The following MCC variants were observed in gnomAD, a reference collection of about 807,000 sequenced individuals.
MCC encodes MCC regulator of Wnt signaling pathway.
In MCC, 90 loss-of-function variants were observed where a neutral mutation model predicts 116.2. That is an observed-to-expected ratio of 0.77 (90% CI 0.65 to 0.92). MCC has a LOEUF of 0.92. MCC is among the 40% of genes least tolerant of loss of function. MCC has a pLI of 0.00. For synonymous variants in MCC, 578 were observed against 510.5 expected (o/e 1.13, Z -1.78); for missense variants, 1,516 against 1,312.2 (o/e 1.16, Z -2.40).
At chr5:113,161,555 C>T (rs1760483899) in intron 3 of MCC, among the ~76,000 whole-genome samples, 1 of 151,850 alleles carries the variant, frequency 6.6e-6, no homozygotes, top group African/African-American at 2.4e-5. Flanking sequence ...TTTGAAGAGA[C>T]CCTAGATTTT....
intron 11 of MCC, among the ~76,000 whole-genome samples, chr5:113,071,644 T>A (rs1228186164): frequency 6.6e-6 from 1 of 152,238 alleles, no homozygotes; most frequent in Non-Finnish European, 1.5e-5. Flanking sequence ...CAGTCATGGC[T>A]ATTTGTTAAG....
chr5:113,191,972 C>T (rs1762171370), intron 3 of MCC, among the ~76,000 whole-genome samples: 1 of 152,200 alleles, frequency 6.6e-6, no homozygotes, highest in Non-Finnish European at 1.5e-5. Flanking sequence ...ACCATGCACA[C>T]CTACCTGCTG....
At chr5:113,195,813 G>A (rs1488539604) in intron 3 of MCC, among the ~76,000 whole-genome samples, 1 of 152,148 alleles carries the variant, frequency 6.6e-6, no homozygotes, top group African/African-American at 2.4e-5. Flanking sequence ...TTCTGCCTGT[G>A]TTCCAAATAC....
chr5:113,179,994 C>T (rs115295215), intron 3 of MCC, among the ~76,000 whole-genome samples: 2,293 of 152,248 alleles, frequency 0.015, 55 homozygotes, highest in African/African-American at 0.053. Context: ...TAGCTTCAGA[C>T]GATGTGCTAA....
intron 17 of MCC, among the ~76,000 whole-genome samples, chr5:113,033,187 TCTGA>T (rs1311833019): frequency 3.9e-5 from 6 of 152,196 alleles, no homozygotes; most frequent in African/African-American, 9.7e-5. Flanking sequence ...TTCCCTGGCT[TCTGA>T]CTAAGTAGGT....
intron 3 of MCC, chr5:113,294,514 G>A (rs1427912710): frequency 6.6e-7 from 1 of 1,510,272 alleles, no homozygotes; most frequent in East Asian, 2.4e-5. Flanking sequence ...TTTTCACCCA[G>A]GACAGTTGCG....
At position 113,101,697 on chromosome 5, in the gene MCC, T is replaced by C. The variant is rs376447222; in HGVS notation, c.1398+42A>G. Reference sequence around the variant, plus strand: ...TATACACCAGCCTCTCTCAGCCCCATGCCCAGGAAGGGCCTGACCATTATG... The same window carrying C: ...TATACACCAGCCTCTCTCAGCCCCACGCCCAGGAAGGGCCTGACCATTATG... On this transcript the variant is annotated intron_variant, in intron 8 of 18. Coordinates refer to ENST00000408903, the MANE Select transcript of MCC (RefSeq NM_001085377.2). 1.9e-5 allele frequency: 31 copies of C among 1,604,960 alleles called. No homozygotes were observed. In the African/African-American group the frequency reaches 3.5e-4, roughly 18 times the overall value.
rs940450657 is a variant in MCC, at chr5:113,085,068, A to G, written c.1545+96T>C. The stretch of plus-strand genomic sequence containing the variant: ...CAGGGGAAGCCCCTTGTGCTGTCTC[A>G]GCTAAGGGCATGCCTGTACAGTGGC... On this transcript the variant is annotated intron_variant, in intron 9 of 18. Transcript: ENST00000408903. 3.3e-5 allele frequency: 51 copies of G among 1,547,320 alleles called. No individual in the cohort carries two copies. In the African/African-American group the frequency reaches 6.7e-4, roughly 20 times the overall value.
Position 113,340,718 on chromosome 5 carries a change from G to C in MCC, c.428C>G (p.Ala143Gly), listed in dbSNP as rs770911488. 1.2e-6 allele frequency: 2 copies of C among 1,613,258 alleles called. No individual in the cohort carries two copies. The highest frequency in any genetic ancestry group is 1.7e-6 in the Non-Finnish European group (2 of 1,179,934). ...SSDNSLGALSAARESWEYDSG... is the reference protein window; with the variant it reads ...SSDNSLGALSGARESWEYDSG... ...GTCGTATTCCCAGCTCTCCCTGGCT[G>C]CTGATAAGGCACCTAAGTCCGAGAG... Residue 143 changes from alanine (A) to glycine (G), a missense_variant, in exon 3 of 19, where the codon GCA becomes GGA. Physicochemically the swap from Ala to Gly is moderately conservative, Grantham distance 60. Transcript: ENST00000408903.
At chr5:113,125,984 C>A in intron 5 of MCC, among the ~76,000 whole-genome samples, 1 of 152,046 alleles carries the variant, frequency 6.6e-6, no homozygotes, top group East Asian at 1.9e-4. Flanking sequence ...AAAATAGCAC[C>A]TCTGATAAAC....
chr5:113,258,292 C>A (rs987754389), intron 3 of MCC, among the ~76,000 whole-genome samples: 2 of 152,178 alleles, frequency 1.3e-5, no homozygotes, highest in African/African-American at 2.4e-5. Context: ...GTGGGTGGCA[C>A]TCAACATATT....
At chr5:113,131,134 A>G (rs1204704603) in intron 5 of MCC, among the ~76,000 whole-genome samples, 1 of 152,240 alleles carries the variant, frequency 6.6e-6, no homozygotes, top group Non-Finnish European at 1.5e-5. Context: ...AGCAGAGAAC[A>G]TGAACAACTC....
chr5:113,152,713 G>A (rs916043553), intron 3 of MCC, among the ~76,000 whole-genome samples: 1 of 152,152 alleles, frequency 6.6e-6, no homozygotes, highest in Admixed American at 6.5e-5. Flanking sequence ...GCAGATATAA[G>A]GCAGAGTGTG....
chr5:113,132,379 T>C (rs374821648), intron 5 of MCC, among the ~76,000 whole-genome samples: 10 of 102,990 alleles, frequency 9.7e-5, no homozygotes, highest in African/African-American at 3.2e-4. Context: ...TGTGTATATA[T>C]ATACATACAT....
intron 2 of MCC, among the ~76,000 whole-genome samples, chr5:113,368,460 G>A (rs991557715): frequency 6.6e-6 from 1 of 151,970 alleles, no homozygotes; most frequent in African/African-American, 2.4e-5. Context: ...TTATCTGAAC[G>A]GTGAACATCC....
intron 3 of MCC, chr5:113,294,258 C>G: frequency 6.2e-7 from 1 of 1,604,150 alleles, no homozygotes; most frequent in Non-Finnish European, 8.5e-7. Flanking sequence ...GTGGGGAGGT[C>G]GAGGGGAGGG....
rs554939737 is a variant in MCC, at chr5:113,023,027, C to T, written c.*4275G>A. On this transcript the variant is annotated 3_prime_UTR_variant, in exon 19 of 19. Coordinates refer to ENST00000408903, the MANE Select transcript of MCC (RefSeq NM_001085377.2). ...TAGCAAAACAAGAATACATGAACAG[C>T]TGCTATCAACTTGTATACTTTTTTT... The T allele has an allele frequency of 3.0e-4, 46 of 152,316 alleles. 1 individual carries two copies. The highest frequency in any genetic ancestry group is 1.1e-3 in the African/African-American group (46 of 41,572). The allele number at this position is 152,316 out of a possible 1,614,324, so 9.4% of individuals were successfully genotyped here.
At chr5:113,039,165 TCCTGCCTCCCAGCACTGAGGAAG>T (rs1263768615) in intron 17 of MCC, among the ~76,000 whole-genome samples, 1 of 152,164 alleles carries the variant, frequency 6.6e-6, no homozygotes, top group Non-Finnish European at 1.5e-5. Context: ...CGCACCTACT[TCCTGCCTCCCAGCACTGAGGAAG>T]CACAGATCCT....
chr5:113,270,883 C>T (rs1453913745), intron 3 of MCC, among the ~76,000 whole-genome samples: 1 of 151,854 alleles, frequency 6.6e-6, no homozygotes, highest in Non-Finnish European at 1.5e-5. Flanking sequence ...AACTGCTTCA[C>T]TTTACCTCTT....
Sources: gnomAD v4.1 joint callset for allele counts (sites outside exome capture counted in the v4.1 genomes callset) on GRCh38, gnomAD v4.1.1 for gene constraint, MANE v1.5 for transcripts, NCBI Gene and HGNC (gene_info 2026-07-23, HGNC 2026-07-21) for gene names.